The following CAMKMT variants were observed in gnomAD, a reference collection of about 807,000 sequenced individuals.
CAMKMT encodes the protein CaM KMT.
In CAMKMT, 53 loss-of-function variants were observed where a neutral mutation model predicts 48.0. The observed-to-expected ratio is 1.10, with a 90% CI of 0.89 to 1.39. The LOEUF (loss-of-function observed/expected upper bound fraction) is 1.39. Among genes scored for constraint, CAMKMT ranks in the 40% most tolerant of loss-of-function variants. The pLI is 0.00. For missense variants in CAMKMT, 428 were observed against 402.7 expected (o/e 1.06, Z -0.54); for synonymous variants, 165 against 152.3 (o/e 1.08, Z -0.61).
Position 44,707,431 on chromosome 2 carries a change from G to C in CAMKMT, c.525G>C (p.Leu175=). Residue 175 remains leucine, a synonymous_variant, in exon 6 of 11, where the codon CTG becomes CTC. Transcript: ENST00000378494. ...TTTCTGCAGATGTCAAAGAAGTTCTGTTAACTGATGGGAATGAAAAGGCCA... is the reference window on the plus strand; with the variant it reads ...TTTCTGCAGATGTCAAAGAAGTTCTCTTAACTGATGGGAATGAAAAGGCCA... ...VAISADVKEV[L]LTDGNEKAIR... The C allele has an allele frequency of 1.9e-6, 3 of 1,611,810 alleles. No individual in the cohort carries two copies. The highest frequency in any genetic ancestry group is 2.5e-6 in the Non-Finnish European group (3 of 1,178,952).
chr2:44,513,939 A>AAACAC (rs1670701946), intron 3 of CAMKMT, among the ~76,000 whole-genome samples: 1 of 151,998 alleles, frequency 6.6e-6, no homozygotes, highest in Non-Finnish European at 1.5e-5. Context: ...CGTCTCTACA[A>AAACAC]AAAAATGTAA....
chr2:44,433,873 CA>C (rs1236215670), intron 3 of CAMKMT, among the ~76,000 whole-genome samples: 15 of 152,154 alleles, frequency 9.9e-5, no homozygotes, highest in Admixed American at 5.9e-4. Flanking sequence ...GGGATCTCAC[CA>C]TGCCCTTTTA....
intron 3 of CAMKMT, among the ~76,000 whole-genome samples, chr2:44,484,234 C>A (rs72790017): frequency 6.7e-6 from 1 of 149,846 alleles, no homozygotes; most frequent in Non-Finnish European, 1.5e-5. Context: ...ACGATTTTAA[C>A]GTTTATATGA....
chr2:44,502,477 C>T (rs1670054286), intron 3 of CAMKMT, among the ~76,000 whole-genome samples: 1 of 152,144 alleles, frequency 6.6e-6, no homozygotes, highest in Admixed American at 6.5e-5. Flanking sequence ...ATTTCAGTTT[C>T]ACTGTGTCCA....
intron 3 of CAMKMT, among the ~76,000 whole-genome samples, chr2:44,600,207 A>G (rs1670901218): frequency 6.6e-6 from 1 of 151,984 alleles, no homozygotes; most frequent in African/African-American, 2.4e-5. Context: ...GATAAAAGAG[A>G]TTCTCCTCAG....
At chr2:44,666,610 A>ATTTTTTTTTTTTTTT (rs1674984437) in intron 3 of CAMKMT, among the ~76,000 whole-genome samples, 7 of 140,512 alleles carry the variant, frequency 5.0e-5, no homozygotes, top group African/African-American at 1.8e-4. Context: ...GGCTCCTGGA[A>ATTTTTTTTTTTTTTT]TCTTTTTTTT....
At chr2:44,405,426 T>A (rs933557624) in intron 3 of CAMKMT, among the ~76,000 whole-genome samples, 1 of 152,064 alleles carries the variant, frequency 6.6e-6, no homozygotes, top group Admixed American at 6.5e-5. Flanking sequence ...TATTTTTAGG[T>A]GTTGAGTAAT....
chr2:44,718,674 AATAGCGTC>A (rs1294973310), intron 7 of CAMKMT, among the ~76,000 whole-genome samples: 4 of 152,206 alleles, frequency 2.6e-5, no homozygotes, highest in African/African-American at 9.6e-5. Flanking sequence ...AGAATTAGTG[AATAGCGTC>A]ATTCTCTGGT....
intron 3 of CAMKMT, among the ~76,000 whole-genome samples, chr2:44,669,764 A>G (rs1350771490): frequency 1.3e-5 from 2 of 152,004 alleles, no homozygotes; most frequent in Non-Finnish European, 2.9e-5. Context: ...CAGCCTTCCA[A>G]GTAGCTGGGA....
intron 3 of CAMKMT, among the ~76,000 whole-genome samples, chr2:44,604,197 A>G (rs1269162535): frequency 6.6e-6 from 1 of 152,228 alleles, no homozygotes; most frequent in African/African-American, 2.4e-5. Context: ...GATCAAGGAA[A>G]GGAATACAGA....
intron 7 of CAMKMT, among the ~76,000 whole-genome samples, chr2:44,720,981 T>C (rs942690509): frequency 6.6e-6 from 1 of 152,206 alleles, no homozygotes; most frequent in African/African-American, 2.4e-5. Context: ...CATTATGTTT[T>C]ACTATGGGGT....
intron 3 of CAMKMT, among the ~76,000 whole-genome samples, chr2:44,451,393 G>T (rs528229757): frequency 6.6e-6 from 1 of 151,862 alleles, no homozygotes; most frequent in South Asian, 2.1e-4. Context: ...AACTAAAAAG[G>T]TTTTTGTTTT....
At chr2:44,751,872 C>G (rs182220825) in intron 8 of CAMKMT, among the ~76,000 whole-genome samples, 10 of 152,230 alleles carry the variant, frequency 6.6e-5, no homozygotes, top group Admixed American at 2.6e-4. Flanking sequence ...GCAGAAGGCA[C>G]AGGGGAAGCA....
intron 3 of CAMKMT, among the ~76,000 whole-genome samples, chr2:44,632,067 T>C (rs565381307): frequency 6.6e-6 from 1 of 152,298 alleles, no homozygotes; most frequent in African/African-American, 2.4e-5. Context: ...ATTTTTTCTT[T>C]AAATGGTTAA....
intron 3 of CAMKMT, among the ~76,000 whole-genome samples, chr2:44,505,442 A>G (rs78437412): frequency 0.011 from 1,627 of 152,214 alleles, 34 homozygotes; most frequent in African/African-American, 0.037. Flanking sequence ...TTTGGCATCA[A>G]TTCTAAGAAC....
At chr2:44,440,897 C>A (rs1271075651) in intron 3 of CAMKMT, among the ~76,000 whole-genome samples, 1 of 151,954 alleles carries the variant, frequency 6.6e-6, no homozygotes, top group African/African-American at 2.4e-5. Context: ...TTGGTGTAGT[C>A]AGAATTCTCC....
chr2:44,456,164 ATACT>A (rs1283416334), intron 3 of CAMKMT, among the ~76,000 whole-genome samples: 1 of 152,178 alleles, frequency 6.6e-6, no homozygotes, highest in African/African-American at 2.4e-5. Context: ...TACATATTAG[ATACT>A]TAATATGTGT....
At chr2:44,574,044 A>C (rs969482723) in intron 3 of CAMKMT, among the ~76,000 whole-genome samples, 1 of 152,224 alleles carries the variant, frequency 6.6e-6, no homozygotes. Context: ...GTTTGAATCT[A>C]CATATTGGAT....
At chr2:44,514,059 G>A (rs891221476) in intron 3 of CAMKMT, among the ~76,000 whole-genome samples, 1 of 149,754 alleles carries the variant, frequency 6.7e-6, no homozygotes, top group Non-Finnish European at 1.5e-5. Context: ...TTGAGATTGC[G>A]CCACTACACT....
Sources: allele counts gnomAD v4.1 joint callset (sites outside exome capture counted in the v4.1 genomes callset), GRCh38; gene constraint gnomAD v4.1.1; transcripts MANE v1.5; gene names NCBI Gene and HGNC (gene_info 2026-07-23, HGNC 2026-07-21).